The following USP34 variants were observed in gnomAD, a reference collection of about 807,000 sequenced individuals.
USP34 encodes ubiquitin carboxyl-terminal hydrolase 34.
A neutral mutation model predicts 460.3 loss-of-function variants in USP34; 70 were observed. The ratio of observed to expected loss-of-function variants is 0.15; its 90% CI spans 0.13 to 0.19. The LOEUF (loss-of-function observed/expected upper bound fraction) is 0.19. Among genes scored for constraint, USP34 ranks in the 10% least tolerant of loss-of-function variants. The probability of loss-of-function intolerance (pLI) is 1.00; values close to 1 mark genes in which losing one functional copy is unlikely to be tolerated. For synonymous variants in USP34, 1,647 were observed against 1,405.3 expected (o/e 1.17, Z -3.85); for missense variants, 3,985 against 4,236.2 (o/e 0.94, Z 1.65).
intron 70 of USP34, chr2:61,207,401 T>G (rs1293577531): frequency 2.6e-5 from 4 of 152,940 alleles, no homozygotes; most frequent in Non-Finnish European, 5.8e-5. Context: ...AATTAAGCCC[T>G]TAGTTTTTTT....
At chr2:61,350,473 C>A in intron 11 of USP34, 84 bp from the exon 12 acceptor site, 1 of 1,560,256 alleles carries the variant, frequency 6.4e-7, no homozygotes, top group Non-Finnish European at 8.7e-7. Context: ...AACTGAAATG[C>A]CAAGACAATA....
At chr2:61,439,910 G>A (rs1694917837) in intron 1 of USP34, among the ~76,000 whole-genome samples, 1 of 152,154 alleles carries the variant, frequency 6.6e-6, no homozygotes, top group Non-Finnish European at 1.5e-5. Flanking sequence ...ATTAGGACAG[G>A]GACTGCTGCT....
chr2:61,373,305 AC>A (rs1013056153), intron 8 of USP34, among the ~76,000 whole-genome samples: 2 of 152,124 alleles, frequency 1.3e-5, no homozygotes, highest in African/African-American at 4.8e-5. Context: ...GAGATGTAAA[AC>A]AAGCTATATA....
chr2:61,314,556 T>C, intron 25 of USP34, 29 bp downstream of exon 25: 1 of 1,450,984 alleles, frequency 6.9e-7, no homozygotes, highest in Non-Finnish European at 9.1e-7. Flanking sequence ...ATGAAATTCA[T>C]TCTAACAGTG....
chr2:61,265,765 G>A (rs1393699495), intron 42 of USP34: 1 of 677,514 alleles, frequency 1.5e-6, no homozygotes, highest in African/African-American at 1.9e-5. Flanking sequence ...ATTTTACTTG[G>A]CCCCAAATTA....
chr2:61,281,341 G>A (rs1689530328), intron 37 of USP34, 99 bp from the exon 38 acceptor site: 1 of 1,397,308 alleles, frequency 7.2e-7, no homozygotes. Context: ...ACAATGTTCT[G>A]CCGGGCAAGC....
At chr2:61,207,231 C>T (rs1458496349) in intron 70 of USP34, 1 of 168,448 alleles carries the variant, frequency 5.9e-6, no homozygotes, top group Non-Finnish European at 1.3e-5. Flanking sequence ...CTGCTTTAAC[C>T]AACTTTCCAG....
chr2:61,200,064 T>C (rs1206110510), intron 75 of USP34: 1 of 152,388 alleles, frequency 6.6e-6, no homozygotes, highest in East Asian at 1.9e-4. Flanking sequence ...TGTGTGCGCA[T>C]GCAGAGAGAC....
intron 2 of USP34, among the ~76,000 whole-genome samples, chr2:61,411,784 G>A (rs957596332): frequency 1.2e-4 from 19 of 152,192 alleles, no homozygotes; most frequent in African/African-American, 4.6e-4. Flanking sequence ...CCTGACCACA[G>A]AGGCCTTCAA....
At chr2:61,356,473 G>GCA (rs1491120202) in intron 10 of USP34, among the ~76,000 whole-genome samples, 4 of 89,956 alleles carry the variant, frequency 4.4e-5, no homozygotes, top group African/African-American at 1.0e-4. Context: ...CTGGGTGAAA[G>GCA]CGCACACACA....
chr2:61,211,638 G>C (rs1572839026), intron 69 of USP34, 134 bp downstream of exon 69: 1 of 982,754 alleles, frequency 1.0e-6, no homozygotes, highest in East Asian at 3.1e-5. Context: ...AGTAGTTCAT[G>C]AACCTTCAAA....
rs1687752064 is a variant in USP34, at chr2:61,227,219, C to T, written c.7444-1G>A. The T allele has an allele frequency of 6.2e-7, 1 of 1,606,910 alleles. No individual in the cohort carries two copies. The highest frequency in any genetic ancestry group is 8.5e-7 in the Non-Finnish European group (1 of 1,176,514). ...CCTCTGATAACACTTCAACTTGAGG[C>T]TAAGTTGGAATAAAATTCAATTTTA... On this transcript the variant is annotated splice_acceptor_variant, in intron 61 of 79. Coordinates refer to ENST00000398571, the MANE Select transcript of USP34 (RefSeq NM_014709.4). LOFTEE classifies it high-confidence loss of function.
At chr2:61,459,508 C>T (rs1249942731) in intron 1 of USP34, among the ~76,000 whole-genome samples, 1 of 152,180 alleles carries the variant, frequency 6.6e-6, no homozygotes, top group Non-Finnish European at 1.5e-5. Context: ...GGCACGGTGG[C>T]TCACACCCAT....
intron 1 of USP34, among the ~76,000 whole-genome samples, chr2:61,454,085 T>C (rs1353057620): frequency 1.3e-5 from 2 of 152,196 alleles, no homozygotes; most frequent in African/African-American, 4.8e-5. Context: ...TTTGTATTTC[T>C]TCAGTATTTT....
intron 8 of USP34, among the ~76,000 whole-genome samples, chr2:61,375,788 A>AAAAAAAAAAAAAAAAAAAAAAAC (rs1380152670): frequency 6.7e-6 from 1 of 148,728 alleles, no homozygotes; most frequent in Non-Finnish European, 1.5e-5. Flanking sequence ...AAAAAAAAAA[A>AAAAAAAAAAAAAAAAAAAAAAAC]AAAAAAGTAG....
chr2:61,329,198 G>A (rs907356153), intron 20 of USP34, among the ~76,000 whole-genome samples: 2 of 148,290 alleles, frequency 1.3e-5, no homozygotes, highest in Admixed American at 6.7e-5. Context: ...TTTTTTTTTT[G>A]TATTTTTAGT....
intron 1 of USP34, among the ~76,000 whole-genome samples, chr2:61,451,383 T>C (rs899588186): frequency 6.6e-6 from 1 of 151,956 alleles, no homozygotes; most frequent in African/African-American, 2.4e-5. Context: ...ACTCATAAAT[T>C]CTGTACAAGA....
chr2:61,432,134 T>C (rs1694693800), intron 1 of USP34, among the ~76,000 whole-genome samples: 1 of 151,268 alleles, frequency 6.6e-6, no homozygotes, highest in Non-Finnish European at 1.5e-5. Flanking sequence ...GGCCCAGGTG[T>C]TTGAGACCAG....
In USP34 at chr2:61,435,307, CA is replaced by C. The variant is rs59158283; in HGVS notation, c.44-14475del. Among the ~76,000 whole-genome samples the C allele has an allele frequency of 6.4e-3, 261 of 40,946 alleles. 4 individuals carry two copies. The highest frequency in any genetic ancestry group is 0.01 in the African/African-American group (98 of 9,610). The allele number at this position is 40,946 out of a possible 152,430, so 26.9% of individuals were successfully genotyped here. A position where few individuals can be genotyped will look rare whatever the true frequency, so the allele number is the denominator to read the frequency against. The stretch of plus-strand genomic sequence containing the variant: ...TGGGCAACAGAGTGAGACCTTGTTT[CA>C]AAAAAAAAAAAAAAAAAAAAAGAAC... On this transcript the variant is annotated intron_variant, in intron 1 of 79. Transcript: ENST00000398571.
Sources: gnomAD v4.1 joint callset for allele counts (sites outside exome capture counted in the v4.1 genomes callset) on GRCh38, gnomAD v4.1.1 for gene constraint, MANE v1.5 for transcripts, NCBI Gene and HGNC (gene_info 2026-07-23, HGNC 2026-07-21) for gene names.